PRELID3A: variants seen among roughly 807,000 people sequenced by gnomAD.
PRELID3A encodes the protein PRELI domain containing protein 3A.
In PRELID3A, 27 loss-of-function variants were observed where a neutral mutation model predicts 23.0. That is an observed-to-expected ratio of 1.17 (90% CI 0.87 to 1.62). The LOEUF (loss-of-function observed/expected upper bound fraction) is 1.62, where lower values mean the gene tolerates loss of function less well. PRELID3A is among the 40% of genes most tolerant of loss of function. The pLI is 0.00. For synonymous variants in PRELID3A, 87 were observed against 86.4 expected (o/e 1.01, Z -0.04); for missense variants, 231 against 231.4 (o/e 1.00, Z 0.01).
intron 6 of PRELID3A, among the ~76,000 whole-genome samples, chr18:12,429,912 T>C (rs559866102): frequency 1.2e-3 from 188 of 152,384 alleles, no homozygotes; most frequent in Non-Finnish European, 7.6e-4. Context: ...TGGAAGCCTT[T>C]CTGGCGTTTC....
chr18:12,424,874 C>T (rs905288636), intron 3 of PRELID3A, among the ~76,000 whole-genome samples: 4 of 152,212 alleles, frequency 2.6e-5, no homozygotes, highest in African/African-American at 9.6e-5. Flanking sequence ...TGGCCCACGC[C>T]TGTAATCCCA....
At chr18:12,429,552 C>T (rs1035436688) in intron 6 of PRELID3A, 116 bp downstream of exon 6, 16 of 618,962 alleles carry the variant, frequency 2.6e-5, no homozygotes, top group South Asian at 8.0e-5. Context: ...CTCTCCAGCC[C>T]GGAGCTCCTT....
At chr18:12,426,981 C>G in intron 3 of PRELID3A, 60 bp from the exon 4 acceptor site, 1 of 1,260,850 alleles carries the variant, frequency 7.9e-7, no homozygotes, top group South Asian at 1.2e-5. Context: ...AGAGTATGGG[C>G]AGTTGGCTTC....
At chr18:12,413,447 G>A (rs2029874379) in intron 1 of PRELID3A, among the ~76,000 whole-genome samples, 1 of 152,122 alleles carries the variant, frequency 6.6e-6, no homozygotes, top group Non-Finnish European at 1.5e-5. Context: ...GGCCTGTCCT[G>A]TGTATGAATG....
Position 12,431,992 on chromosome 18 carries a change from C to A in PRELID3A, c.*876C>A, listed in dbSNP as rs1392225137. 6.6e-6 allele frequency: 1 copy of A among 152,286 alleles called. No individual in the cohort carries two copies. The highest frequency in any genetic ancestry group is 1.5e-5 in the Non-Finnish European group (1 of 68,044). 9.4% of individuals were successfully genotyped at this position (152,286 alleles called of 1,614,324 possible). A position where few individuals can be genotyped will look rare whatever the true frequency, so the allele number is the denominator to read the frequency against. ...GGACAACGACCAAAGGTCTTTTCCC[C>A]ACCATCTTTAAATCAAAGTTGTTTA... On this transcript the variant is annotated 3_prime_UTR_variant, in exon 7 of 7. Coordinates refer to ENST00000440960, the MANE Select transcript of PRELID3A (RefSeq NM_001142405.2).
chr18:12,420,864 G>A (rs964709310), intron 2 of PRELID3A, among the ~76,000 whole-genome samples: 16 of 151,632 alleles, frequency 1.1e-4, no homozygotes, highest in African/African-American at 3.6e-4. Context: ...GGCGCGTGGC[G>A]TCTGGCATCC....
intron 1 of PRELID3A, among the ~76,000 whole-genome samples, chr18:12,414,743 C>A (rs1306236823): frequency 1.3e-5 from 2 of 151,524 alleles, no homozygotes; most frequent in Non-Finnish European, 2.9e-5. Context: ...CCCCACCCCT[C>A]CACCCCCACC....
intron 1 of PRELID3A, among the ~76,000 whole-genome samples, chr18:12,409,981 T>G (rs1349033202): frequency 6.6e-6 from 1 of 152,176 alleles, no homozygotes; most frequent in Admixed American, 6.5e-5. Flanking sequence ...TGCCCCATGC[T>G]CATTAGCTTC....
chr18:12,411,562 C>A (rs1427276794), intron 1 of PRELID3A, among the ~76,000 whole-genome samples: 1 of 152,132 alleles, frequency 6.6e-6, no homozygotes, highest in Non-Finnish European at 1.5e-5. Flanking sequence ...ATAACAAAGC[C>A]CATCACAAAT....
intron 1 of PRELID3A, among the ~76,000 whole-genome samples, chr18:12,419,556 G>T (rs1246733541): frequency 1.3e-5 from 2 of 152,006 alleles, no homozygotes; most frequent in Non-Finnish European, 2.9e-5. Flanking sequence ...TTGAACCCGG[G>T]AGGCGGAGGT....
chr18:12,430,367 T>G (rs1035583515), intron 6 of PRELID3A, among the ~76,000 whole-genome samples: 3 of 123,676 alleles, frequency 2.4e-5, no homozygotes, highest in East Asian at 4.2e-4. Flanking sequence ...TATGTGTGTG[T>G]GGTGTGTGTG....
intron 3 of PRELID3A, among the ~76,000 whole-genome samples, chr18:12,423,535 A>G (rs1384986489): frequency 2.0e-5 from 3 of 152,316 alleles, no homozygotes; most frequent in Non-Finnish European, 4.4e-5. Flanking sequence ...ATGGTGGCCC[A>G]TGAGGGGCAG....
chr18:12,408,854 C>T (rs965097284), intron 1 of PRELID3A, among the ~76,000 whole-genome samples: 1 of 152,034 alleles, frequency 6.6e-6, no homozygotes, highest in African/African-American at 2.4e-5. Context: ...TTGACCACTA[C>T]GAAATTTATG....
intron 1 of PRELID3A, among the ~76,000 whole-genome samples, chr18:12,411,950 G>A (rs1390932803): frequency 2.2e-5 from 3 of 139,414 alleles, no homozygotes; most frequent in East Asian, 2.1e-4. Context: ...TCGCTCTGTC[G>A]CCCAGGCTGG....
chr18:12,429,497 G>A, intron 6 of PRELID3A, 61 bp downstream of exon 6: 5 of 1,092,196 alleles, frequency 4.6e-6, no homozygotes, highest in Non-Finnish European at 6.9e-6. Flanking sequence ...CCGTGTGCAT[G>A]GTGCACATGG....
intron 1 of PRELID3A, among the ~76,000 whole-genome samples, chr18:12,413,825 C>T (rs1479658644): frequency 6.6e-6 from 1 of 152,174 alleles, no homozygotes; most frequent in Non-Finnish European, 1.5e-5. Context: ...CTCAGGTGAT[C>T]CGCCTGCCTT....
intron 2 of PRELID3A, chr18:12,421,239 C>T: frequency 2.7e-6 from 1 of 366,118 alleles, no homozygotes; most frequent in South Asian, 3.4e-5. Flanking sequence ...CTCTTTGGGG[C>T]TCTGCCCAGA....
chr18:12,417,876 C>T (rs1378669777), intron 1 of PRELID3A, among the ~76,000 whole-genome samples: 12 of 152,196 alleles, frequency 7.9e-5, no homozygotes, highest in African/African-American at 1.7e-4. Context: ...CAGTGGAATG[C>T]GTCAGCTTAG....
chr18:12,423,670 G>T (rs939793426), intron 3 of PRELID3A, among the ~76,000 whole-genome samples: 5 of 152,222 alleles, frequency 3.3e-5, no homozygotes, highest in African/African-American at 1.2e-4. Flanking sequence ...AGGGAATGGC[G>T]ACCTGGTCCC....
Sources: gnomAD v4.1 joint callset for allele counts (sites outside exome capture counted in the v4.1 genomes callset) on GRCh38, gnomAD v4.1.1 for gene constraint, MANE v1.5 for transcripts, NCBI Gene and HGNC (gene_info 2026-07-23, HGNC 2026-07-21) for gene names.